The following KLK14 variants were observed in gnomAD, a reference collection of about 807,000 sequenced individuals.
KLK14 encodes kallikrein-14.
KLK14 carries 21 observed loss-of-function variants against 24.6 expected under a neutral mutation model. The ratio of observed to expected loss-of-function variants is 0.85; its 90% CI spans 0.61 to 1.23. KLK14 has a LOEUF of 1.23. Among genes scored for constraint, KLK14 ranks in the 50% most tolerant of loss-of-function variants. KLK14 has a pLI of 0.00. For synonymous variants in KLK14, 133 were observed against 139.7 expected (o/e 0.95, Z 0.34); for missense variants, 320 against 338.9 (o/e 0.94, Z 0.44).
At position 51,079,164 on chromosome 19, in the gene KLK14, GC is replaced by G. The variant is rs1194842060; in HGVS notation, c.467-214del. 3.0e-5 allele frequency among the ~76,000 whole-genome samples: 4 copies of G among 133,710 alleles called. No individual in the cohort carries two copies. The East Asian group carries it at 8.9e-4, about 30-fold the overall frequency. 87.7% of individuals were successfully genotyped at this position (133,710 alleles called of 152,430 possible). On this transcript the variant is annotated intron_variant, in intron 4 of 5. Coordinates refer to ENST00000650543, the MANE Select transcript of KLK14 (RefSeq NM_001369775.2). ...TCAGACCCGGGAGTCCAGGTCCCCA[GC>G]CCCTCCTCCCTCAGACCCAGAAGTC... is the stretch of plus-strand genomic sequence containing the variant.
At chr19:51,083,495 C>G (rs2091853805), upstream of KLK14, among the ~76,000 whole-genome samples, 1 of 149,138 alleles carries the variant, frequency 6.7e-6, no homozygotes, top group South Asian at 2.2e-4. Context: ...AGGGGGAGAG[C>G]AAGAGACAGA....
Position 51,082,878 on chromosome 19 carries a change from G to A in KLK14, c.-179C>T. On this transcript the variant is annotated 5_prime_UTR_variant, in exon 1 of 6. Coordinates refer to ENST00000650543, the MANE Select transcript of KLK14 (RefSeq NM_001369775.2). ...ATGTCTTGATGAAGGAAGGAGGGGA[G>A]GTGTCTCTCTTCCTAGTCACACTGG... The A allele has an allele frequency of 9.8e-7, 1 of 1,018,916 alleles. No homozygotes were observed. The highest frequency in any genetic ancestry group is 1.6e-5 in the African/African-American group (1 of 62,332). The allele number at this position is 1,018,916 out of a possible 1,614,324, so 63.1% of individuals were successfully genotyped here.
upstream of KLK14, among the ~76,000 whole-genome samples, chr19:51,083,618 G>C (rs2122765949): frequency 6.6e-6 from 1 of 152,068 alleles, no homozygotes; most frequent in South Asian, 2.1e-4. Context: ...GAGAGCTGGA[G>C]AAACCGGTGG....
At chr19:51,082,984 A>G, upstream of KLK14, 3 of 549,680 alleles carry the variant, frequency 5.5e-6, no homozygotes, top group East Asian at 3.1e-5. Context: ...TTTTTTTTTT[A>G]TTGCCTAGTT....
In KLK14 at chr19:51,078,946, A is replaced by T; in HGVS notation, c.472T>A (p.Tyr158Asn). 1 of 1,613,636 alleles carries T rather than the reference A, an allele frequency of 6.2e-7. No homozygotes were observed. The highest frequency in any genetic ancestry group is 8.5e-7 in the Non-Finnish European group (1 of 1,179,872). The change falls in exon 5 of 6, where the codon TAC (tyrosine) becomes AAC (asparagine). Residue 158 changes from tyrosine to asparagine, a missense_variant. Coordinates refer to ENST00000650543, the MANE Select transcript of KLK14 (RefSeq NM_001369775.2). This position sits in a 1 kb window ranked among gnomAD's most constrained non-coding sequence, Gnocchi z 5.0. ...WGTISSPIAR[Y>N]PASLQCVNIN... Reference sequence around the variant, plus strand: ...TTCACGCATTGCAGAGAGGCGGGGTACCTGGCTGGGGGACACTGCAGGGTT... The same window carrying T: ...TTCACGCATTGCAGAGAGGCGGGGTTCCTGGCTGGGGGACACTGCAGGGTT...
chr19:51,079,421 CT>C, intron 4 of KLK14, 27 bp downstream of exon 4: 1 of 1,584,342 alleles, frequency 6.3e-7, no homozygotes, highest in Non-Finnish European at 8.6e-7. Context: ...GCCCAGTCCC[CT>C]GCTTTCCAAG....
rs375764078 is a variant in KLK14, at chr19:51,079,434, C to T, written c.466+15G>A. ...AGGCCCAGTCCCCTGCTTTCCAAGA[C>T]GCAGGAGTCCTCACCGATGGGGCTG... On this transcript the variant is annotated intron_variant, in intron 4 of 5. Coordinates refer to ENST00000650543, the MANE Select transcript of KLK14 (RefSeq NM_001369775.2). 1.8e-5 allele frequency: 29 copies of T among 1,599,730 alleles called. No individual in the cohort carries two copies. Among genetic ancestry groups the T allele is most frequent in the Middle Eastern group, 1.7e-4 (1 of 5,828 alleles).
rs1026499995 is a variant in KLK14 at position 51,079,630 on chromosome 19, A to G, written c.285T>C (p.Val95=). The G allele has an allele frequency of 3.7e-6, 6 of 1,609,742 alleles. No individual in the cohort carries two copies. The highest frequency in any genetic ancestry group is 5.1e-6 in the Non-Finnish European group (6 of 1,178,002). ...WEATQQVLRV[V]RQVTHPNYNS... is the part of the protein sequence containing the mutation. ...TGTAGTTGGGGTGCGTCACCTGACG[A>G]ACCACGCGCAGCACCTGCTGGGTGG... The change falls in exon 4 of 6, where the codon GTT becomes GTC. Residue 95 remains valine (V), a synonymous_variant. Coordinates refer to ENST00000650543, the MANE Select transcript of KLK14 (RefSeq NM_001369775.2).
In KLK14 at chr19:51,082,806, C is replaced by T. The variant is rs1411335516; in HGVS notation, c.-107G>A. On this transcript the variant is annotated 5_prime_UTR_variant, in exon 1 of 6. Coordinates refer to ENST00000650543, the MANE Select transcript of KLK14 (RefSeq NM_001369775.2). Reference sequence around the variant, plus strand: ...AGGGGGGCGGGGCCTGCAGGCTCTGCGGGCGGCAGGTGGGAGGATGTGGAG... The same window carrying T: ...AGGGGGGCGGGGCCTGCAGGCTCTGTGGGCGGCAGGTGGGAGGATGTGGAG... 1.1e-5 allele frequency: 17 copies of T among 1,589,518 alleles called. No individual in the cohort carries two copies. The East Asian group carries it at 1.4e-4, about 13-fold the overall frequency.
rs778585549 is a variant in KLK14, at chr19:51,078,980, G to T, written c.467-29C>A. 9.3e-6 allele frequency: 15 copies of T among 1,610,436 alleles called. No homozygotes were observed. The East Asian group carries it at 3.3e-4, about 36-fold the overall frequency. On this transcript the variant is annotated intron_variant, in intron 4 of 5. Transcript: ENST00000650543. This position sits in a 1 kb window ranked among gnomAD's most constrained non-coding sequence, Gnocchi z 5.0. ...GGGGACACTGCAGGGTTATAACTGG[G>T]TCTACCCTCCCATAAGACCCAAGGG...
At chr19:51,081,809 C>T in intron 2 of KLK14, 106 bp from the exon 3 acceptor site, 1 of 1,083,994 alleles carries the variant, frequency 9.2e-7, no homozygotes, top group Non-Finnish European at 1.3e-6. Context: ...TTTGGTCTAA[C>T]CCCTAAACTG....
chr19:51,078,910 A>C lies in KLK14; in HGVS notation c.508T>G (p.Ser170Ala). 1 of 1,613,960 alleles carries C rather than the reference A, an allele frequency of 6.2e-7. No individual in the cohort carries two copies. The highest frequency in any genetic ancestry group is 8.5e-7 in the Non-Finnish European group (1 of 1,179,916). The change falls in exon 5 of 6, where the codon TCC becomes GCC. Residue 170 changes from serine (S) to alanine (A), a missense_variant. Physicochemically the swap from Ser to Ala is moderately conservative, Grantham distance 99. Transcript: ENST00000650543. This position sits in a 1 kb window ranked among gnomAD's most constrained non-coding sequence, Gnocchi z 5.0. ...GCCTTCTGGCACACCTCATCCGGGG[A>C]GATGTTGATGTTCACGCATTGCAGA... is the stretch of plus-strand genomic sequence containing the variant. Reference protein sequence around the residue: ...ASLQCVNINISPDEVCQKAYP... With the variant: ...ASLQCVNINIAPDEVCQKAYP...
upstream of KLK14, chr19:51,082,900 C>T (rs942969653): frequency 3.7e-6 from 3 of 813,458 alleles, no homozygotes; most frequent in Non-Finnish European, 5.9e-6. Flanking sequence ...CCTAGTCACA[C>T]TGGCAAAGCC....
In KLK14 at chr19:51,078,925, C is replaced by T. The variant is rs746583454; in HGVS notation, c.493G>A (p.Val165Met). 5 of 1,613,964 alleles carry T rather than the reference C, an allele frequency of 3.1e-6. No individual in the cohort carries two copies. The highest frequency in any genetic ancestry group is 2.2e-5 in the South Asian group (2 of 91,088). ...TCATCCGGGGAGATGTTGATGTTCA[C>T]GCATTGCAGAGAGGCGGGGTACCTG... ...IARYPASLQCVNINISPDEVC... is the reference protein window; with the variant it reads ...IARYPASLQCMNINISPDEVC... Residue 165 changes from valine to methionine, a missense_variant, in exon 5 of 6, where the codon GTG becomes ATG. Physicochemically the swap from Val to Met is conservative, Grantham distance 21. Transcript: ENST00000650543. The surrounding 1 kb of genome is among the most constrained non-coding windows in gnomAD (Gnocchi z 5.0).
rs2091815281 is a variant in KLK14 at position 51,078,168 on chromosome 19, G to A, written c.604-9C>T. 3 of 1,612,766 alleles carry A rather than the reference G, an allele frequency of 1.9e-6. No homozygotes were observed. The highest frequency in any genetic ancestry group is 1.1e-5 in the South Asian group (1 of 91,032). ...GGTCCCCCAGAGTCACCCTGAGGGG[G>A]AGGAACAGAAATGGAGACACTGATG... On this transcript the variant is annotated splice_polypyrimidine_tract_variant and intron_variant, in intron 5 of 5. Coordinates refer to ENST00000650543, the MANE Select transcript of KLK14 (RefSeq NM_001369775.2). This position sits in a 1 kb window ranked among gnomAD's most constrained non-coding sequence, Gnocchi z 5.0.
chr19:51,078,219 A>C lies in KLK14; in HGVS notation c.604-60T>G. The C allele has an allele frequency of 6.4e-7, 1 of 1,559,536 alleles. No individual in the cohort carries two copies. Among genetic ancestry groups the C allele is most frequent in the African/African-American group, 1.4e-5 (1 of 73,894 alleles). ...GACAGGTAGCCAGAGCCACCATGGC[A>C]CAGAGAACCCGAGAAGCAGACACAG... On this transcript the variant is annotated intron_variant, in intron 5 of 5. Coordinates refer to ENST00000650543, the MANE Select transcript of KLK14 (RefSeq NM_001369775.2). The surrounding 1 kb of genome is among the most constrained non-coding windows in gnomAD (Gnocchi z 5.0).
At chr19:51,082,657 G>C (rs754897783) in intron 1 of KLK14, 21 bp from the exon 2 acceptor site, 42 of 1,614,064 alleles carry the variant, frequency 2.6e-5, no homozygotes, top group Admixed American at 1.8e-4. Flanking sequence ...CAGAGAAAAA[G>C]TGAGAGAGAA....
Position 51,078,919 on chromosome 19 carries a change from T to A in KLK14, c.499A>T (p.Ile167Phe). Residue 167 changes from isoleucine to phenylalanine, a missense_variant, in exon 5 of 6, where the codon ATC (isoleucine) becomes TTC (phenylalanine). Transcript: ENST00000650543. This position sits in a 1 kb window ranked among gnomAD's most constrained non-coding sequence, Gnocchi z 5.0. ...RYPASLQCVN[I>F]NISPDEVCQK... Reference sequence around the variant, plus strand: ...CACACCTCATCCGGGGAGATGTTGATGTTCACGCATTGCAGAGAGGCGGGG... The same window carrying A: ...CACACCTCATCCGGGGAGATGTTGAAGTTCACGCATTGCAGAGAGGCGGGG... The A allele has an allele frequency of 1.2e-6, 2 of 1,614,000 alleles. No individual in the cohort carries two copies. Among genetic ancestry groups the A allele is most frequent in the Non-Finnish European group, 1.7e-6 (2 of 1,179,942 alleles).
In KLK14 at chr19:51,079,374, C is replaced by T. The variant is rs963657892; in HGVS notation, c.466+75G>A. The stretch of plus-strand genomic sequence containing the variant: ...CTCCCTCAGACCCAGGAGCCCCAGT[C>T]CCCCCAGCTCCACCTCCTGGAGACC... On this transcript the variant is annotated intron_variant, in intron 4 of 5. Coordinates refer to ENST00000650543, the MANE Select transcript of KLK14 (RefSeq NM_001369775.2). 148 of 1,413,404 alleles carry T rather than the reference C, an allele frequency of 1.0e-4. 1 individual carries two copies. In the Middle Eastern group the frequency reaches 1.7e-3, roughly 16 times the overall value. The allele number at this position is 1,413,404 out of a possible 1,614,324, so 87.6% of individuals were successfully genotyped here. A position where few individuals can be genotyped will look rare whatever the true frequency, so the allele number is the denominator to read the frequency against.
Sources: gnomAD v4.1 joint callset for allele counts (sites outside exome capture counted in the v4.1 genomes callset) on GRCh38, gnomAD v4.1.1 for gene constraint, Gnocchi (gnomAD v3.1) non-coding constraint, MANE v1.5 for transcripts, NCBI Gene and HGNC (gene_info 2026-07-23, HGNC 2026-07-21) for gene names.